CTNNA2: variants seen among roughly 807,000 people sequenced by gnomAD.
CTNNA2 encodes catenin alpha 2, also known as catenin alpha-2.
Under a neutral mutation model 101.0 loss-of-function variants are expected in CTNNA2, and 42 were observed. The observed-to-expected ratio is 0.42, with a 90% CI of 0.32 to 0.54. The LOEUF is 0.54. CTNNA2 is among the 20% of genes least tolerant of loss of function. The pLI, the probability that CTNNA2 is intolerant of heterozygous loss-of-function variation, is 0.14. For synonymous variants in CTNNA2, 450 were observed against 456.4 expected (o/e 0.99, Z 0.18); for missense variants, 871 against 1,223.1 (o/e 0.71, Z 4.29).
At chr2:79,653,103 A>G (rs564542776) in intron 2 of CTNNA2, among the ~76,000 whole-genome samples, 1 of 152,320 alleles carries the variant, frequency 6.6e-6, no homozygotes, top group East Asian at 1.9e-4. Context: ...GTGGAAGGAA[A>G]AAGGAGTTGC....
chr2:79,334,387 G>T (rs549702037), intron 3 of CTNNA2, among the ~76,000 whole-genome samples: 1 of 152,132 alleles, frequency 6.6e-6, no homozygotes, highest in South Asian at 2.1e-4. Context: ...AAAGCTGCCT[G>T]TTTATTGGAT....
intron 7 of CTNNA2, among the ~76,000 whole-genome samples, chr2:80,182,398 G>T (rs573369500): frequency 4.6e-5 from 7 of 152,236 alleles, no homozygotes; most frequent in Admixed American, 3.3e-4. Flanking sequence ...TAAATGTTGG[G>T]TCTGCCTCTC....
In CTNNA2 at chr2:79,998,598, A is replaced by G. The variant is rs543523702; in HGVS notation, c.1056+88801A>G. Among the ~76,000 whole-genome samples, 8 of 152,198 alleles carry G rather than the reference A, an allele frequency of 5.3e-5. No homozygotes were observed. In the South Asian group the frequency reaches 1.2e-3, roughly 24 times the overall value. The stretch of plus-strand genomic sequence containing the variant: ...AAGGCTTTTGCAAAGATTTGTGGCT[A>G]TGAAAGATAAACCTTCCCAAACTTT... On this transcript the variant is annotated intron_variant, in intron 7 of 18. Transcript: ENST00000402739.
intron 9 of CTNNA2, among the ~76,000 whole-genome samples, chr2:80,501,696 T>TGGGGGAAGCAAAATTGGATATGC (rs1240546110): frequency 1.3e-5 from 2 of 151,736 alleles, no homozygotes; most frequent in East Asian, 3.9e-4. Flanking sequence ...CCTAAGGGAG[T>TGGGGGAAGCAAAATTGGATATGC]GGGGGAAGCA....
Position 80,508,148 on chromosome 2 carries a change from G to A in CTNNA2, c.1291-36834G>A, listed in dbSNP as rs17019257. Among the ~76,000 whole-genome samples the A allele has an allele frequency of 8.3e-3, 1,261 of 152,198 alleles. 15 individuals are homozygous for A. Among genetic ancestry groups the A allele is most frequent in the Middle Eastern group, 0.024 (7 of 294 alleles). On this transcript the variant is annotated intron_variant, in intron 9 of 18. Transcript: ENST00000402739. ...CACTTGCTGGTTAAATGTGAGACGGGTACTTTCCAGAAGCTTTCTAAAGAA... is the reference window on the plus strand; with the variant it reads ...CACTTGCTGGTTAAATGTGAGACGGATACTTTCCAGAAGCTTTCTAAAGAA...
At chr2:80,469,901 T>C (rs1442373902) in intron 9 of CTNNA2, among the ~76,000 whole-genome samples, 1 of 152,202 alleles carries the variant, frequency 6.6e-6, no homozygotes, top group Admixed American at 6.5e-5. Context: ...TTTCATCATG[T>C]TCTTGCAATG....
chr2:80,003,468 A>G (rs1334516858), intron 7 of CTNNA2, among the ~76,000 whole-genome samples: 1 of 152,148 alleles, frequency 6.6e-6, no homozygotes, highest in East Asian at 1.9e-4. Flanking sequence ...CCTGGCCCAT[A>G]GGTACCACTG....
intron 1 of CTNNA2, chr2:79,514,549 C>A (rs977760863): frequency 3.3e-5 from 5 of 152,232 alleles, no homozygotes; most frequent in Non-Finnish European, 5.9e-5. Context: ...AGCTTGCATT[C>A]TAACCCCTTA....
At chr2:79,238,268 C>T (rs569475005) in intron 2 of CTNNA2, among the ~76,000 whole-genome samples, 15 of 152,230 alleles carry the variant, frequency 9.9e-5, no homozygotes, top group African/African-American at 2.9e-4. Context: ...ATAGAGCAGT[C>T]GGAACACACA....
chr2:79,316,415 A>G (rs1213459755), intron 3 of CTNNA2, among the ~76,000 whole-genome samples: 2 of 152,026 alleles, frequency 1.3e-5, no homozygotes, highest in Non-Finnish European at 2.9e-5. Context: ...CTATTCTGAC[A>G]TCCCAGCATT....
intron 7 of CTNNA2, among the ~76,000 whole-genome samples, chr2:80,293,717 C>A (rs2149185168): frequency 6.6e-6 from 1 of 152,266 alleles, no homozygotes; most frequent in African/African-American, 2.4e-5. Flanking sequence ...CTCCACCGAT[C>A]AGTGTCCTAC....
At chr2:79,696,313 C>G (rs1201953612) in intron 2 of CTNNA2, among the ~76,000 whole-genome samples, 1 of 152,012 alleles carries the variant, frequency 6.6e-6, no homozygotes, top group Non-Finnish European at 1.5e-5. Context: ...TGCCACAATG[C>G]TTTTTGCAGT....
intron 9 of CTNNA2, among the ~76,000 whole-genome samples, chr2:80,485,040 T>A (rs1686459080): frequency 6.6e-6 from 1 of 152,008 alleles, no homozygotes; most frequent in African/African-American, 2.4e-5. Flanking sequence ...TAATAATGGG[T>A]CTATGAATGA....
chr2:80,629,680 A>G (rs1672067969), intron 18 of CTNNA2, among the ~76,000 whole-genome samples: 1 of 152,108 alleles, frequency 6.6e-6, no homozygotes, highest in Non-Finnish European at 1.5e-5. Flanking sequence ...CGTTTGGATA[A>G]TTCTTTACTA....
intron 6 of CTNNA2, among the ~76,000 whole-genome samples, chr2:79,883,968 G>A: frequency 6.6e-6 from 1 of 152,272 alleles, no homozygotes; most frequent in South Asian, 2.1e-4. Flanking sequence ...ATATCAATTT[G>A]TTTAATATCT....
At chr2:79,355,731 C>T (rs6753944) in intron 3 of CTNNA2, among the ~76,000 whole-genome samples, 45,291 of 151,958 alleles carry the variant, frequency 0.3, 6,884 homozygotes, top group Middle Eastern at 0.44. Context: ...TTTTACTTGG[C>T]ATAATGTTTT....
intron 4 of CTNNA2, among the ~76,000 whole-genome samples, chr2:79,475,811 CTGTT>C (rs1232983284): frequency 6.6e-6 from 1 of 152,026 alleles, no homozygotes; most frequent in Non-Finnish European, 1.5e-5. Context: ...ACATTCTACT[CTGTT>C]TGTCTATTAT....
intron 3 of CTNNA2, among the ~76,000 whole-genome samples, chr2:79,802,045 C>T (rs7601949): frequency 0.65 from 96,721 of 149,464 alleles, 33,955 homozygotes; most frequent in East Asian, 0.95. Context: ...AAAGCTATTC[C>T]GATACAAAAG....
chr2:80,270,288 A>AT lies in CTNNA2; in HGVS notation c.1057-122916dup, dbSNP rs61050501. On this transcript the variant is annotated intron_variant, in intron 7 of 18. Coordinates refer to ENST00000402739, the MANE Select transcript of CTNNA2 (RefSeq NM_001282597.3). ...TACTAAATCCTCTATTTTTTTAGGG[A>AT]TTTTTTTCCCAATTTCTTTCCAATA... Among the ~76,000 whole-genome samples the AT allele has an allele frequency of 2.6e-4, 39 of 151,926 alleles. No individual in the cohort carries two copies. In the East Asian group the frequency reaches 2.7e-3, roughly 11 times the overall value.
Sources: allele counts gnomAD v4.1 joint callset (sites outside exome capture counted in the v4.1 genomes callset), GRCh38; gene constraint gnomAD v4.1.1; transcripts MANE v1.5; gene names NCBI Gene and HGNC (gene_info 2026-07-23, HGNC 2026-07-21).